TENM4: variants seen among roughly 807,000 people sequenced by gnomAD.
The protein encoded by TENM4 is teneurin transmembrane protein 4.
In TENM4, 82 loss-of-function variants were observed where a neutral mutation model predicts 243.3. The ratio of observed to expected loss-of-function variants is 0.34; its 90% confidence interval spans 0.28 to 0.40. The LOEUF is 0.40. TENM4 is among the 10% of genes least tolerant of loss of function. The pLI, the probability that TENM4 is intolerant of heterozygous loss-of-function variation, is 1.00. For synonymous variants in TENM4, 1,412 were observed against 1,456.3 expected, an observed-to-expected ratio of 0.97 and a Z score of 0.69; for missense variants, 3,138 against 3,673.3, an observed-to-expected ratio of 0.85 and a Z score of 3.77.
At chr11:78,897,533 T>C (rs1328621741) in intron 7 of TENM4, among the ~76,000 whole-genome samples, 2 of 152,160 alleles carry the variant, frequency 1.3e-5, no homozygotes, top group Non-Finnish European at 2.9e-5. Flanking sequence ...CAGTAAGGGC[T>C]CTCTCTACTG....
chr11:78,895,773 G>C (rs1855778762), intron 7 of TENM4, among the ~76,000 whole-genome samples: 1 of 152,166 alleles, frequency 6.6e-6, no homozygotes, highest in South Asian at 2.1e-4. Context: ...TGGAAACTAA[G>C]GCCCAGAAAG....
At chr11:79,295,447 C>T (rs56680264) in intron 2 of TENM4, among the ~76,000 whole-genome samples, 34,809 of 152,070 alleles carry the variant, frequency 0.23, 5,438 homozygotes, top group African/African-American at 0.45. Flanking sequence ...ACCCCCGCCC[C>T]GGGAAAGGAA....
intron 5 of TENM4, 83 bp downstream of exon 5, chr11:79,069,626 GTGCCACGCCCACC>G: frequency 7.0e-7 from 1 of 1,434,974 alleles, no homozygotes; most frequent in Non-Finnish European, 9.2e-7. Context: ...CAGCTCACCT[GTGCCACGCCCACC>G]TGCGCCACGC....
chr11:79,020,461 T>G (rs1264033916), intron 6 of TENM4, among the ~76,000 whole-genome samples: 1 of 152,222 alleles, frequency 6.6e-6, no homozygotes, highest in African/African-American at 2.4e-5. Context: ...ATCATTCAAA[T>G]TTATGTGTCA....
At chr11:79,416,362 A>G (rs1381062101) in intron 1 of TENM4, among the ~76,000 whole-genome samples, 2 of 152,192 alleles carry the variant, frequency 1.3e-5, no homozygotes, top group African/African-American at 2.4e-5. Context: ...CTGTTGCTCC[A>G]TATCCTCACC....
chr11:79,312,900 C>A (rs991195188), intron 1 of TENM4, among the ~76,000 whole-genome samples: 3 of 152,218 alleles, frequency 2.0e-5, no homozygotes, highest in Non-Finnish European at 4.4e-5. Flanking sequence ...CCAGGGCAAG[C>A]TACTCACTCC....
At chr11:79,351,775 A>G (rs1857418738) in intron 1 of TENM4, among the ~76,000 whole-genome samples, 1 of 152,232 alleles carries the variant, frequency 6.6e-6, no homozygotes, top group Non-Finnish European at 1.5e-5. Flanking sequence ...CAGACCAATC[A>G]TCTTCTCCAT....
intron 3 of TENM4, among the ~76,000 whole-genome samples, chr11:79,166,840 G>T (rs767900036): frequency 1.3e-5 from 2 of 152,148 alleles, no homozygotes; most frequent in African/African-American, 4.8e-5. Context: ...GCACTAGGAA[G>T]TTCCAAACAG....
At chr11:79,099,073 C>T (rs546633776) in intron 4 of TENM4, among the ~76,000 whole-genome samples, 1 of 152,302 alleles carries the variant, frequency 6.6e-6, no homozygotes, top group East Asian at 1.9e-4. Context: ...TACGGTAACT[C>T]ACCTGGGAAC....
chr11:78,668,472 C>T (rs1458345540), intron 32 of TENM4, among the ~76,000 whole-genome samples: 2 of 152,054 alleles, frequency 1.3e-5, no homozygotes, highest in East Asian at 3.9e-4. Context: ...AAATTGAGAA[C>T]TAATTTTTTT....
intron 7 of TENM4, among the ~76,000 whole-genome samples, chr11:78,900,754 C>G (rs1345240124): frequency 6.6e-6 from 1 of 152,094 alleles, no homozygotes; most frequent in South Asian, 2.1e-4. Flanking sequence ...GTATGAAGGT[C>G]CCTCTGACTT....
chr11:79,242,442 A>G (rs933125134), intron 2 of TENM4, among the ~76,000 whole-genome samples: 4 of 152,090 alleles, frequency 2.6e-5, no homozygotes, highest in African/African-American at 9.7e-5. Flanking sequence ...CAATCCTACC[A>G]CTCAGAGACA....
At chr11:79,102,700 G>A (rs2137081954) in intron 4 of TENM4, among the ~76,000 whole-genome samples, 1 of 152,294 alleles carries the variant, frequency 6.6e-6, no homozygotes, top group South Asian at 2.1e-4. Flanking sequence ...TCTTTCCAAA[G>A]CAACTCTGTC....
chr11:79,046,222 A>C (rs1295643899), intron 6 of TENM4, among the ~76,000 whole-genome samples: 4 of 152,214 alleles, frequency 2.6e-5, no homozygotes, highest in Non-Finnish European at 5.9e-5. Flanking sequence ...GCTGTGAGCC[A>C]GGGAGATGGG....
chr11:78,802,383 T>C (rs1360604952), intron 15 of TENM4, among the ~76,000 whole-genome samples: 2 of 152,258 alleles, frequency 1.3e-5, no homozygotes, highest in Non-Finnish European at 1.5e-5. Flanking sequence ...AAGTGAGCTT[T>C]CTTGCCAAGG....
intron 33 of TENM4, 87 bp downstream of exon 33, chr11:78,661,362 T>C (rs1858025556): frequency 1.6e-5 from 24 of 1,506,498 alleles, no homozygotes; most frequent in Non-Finnish European, 2.1e-5. Flanking sequence ...TGTCTATCAC[T>C]GGCCCATGCT....
intron 1 of TENM4, among the ~76,000 whole-genome samples, chr11:79,314,918 C>T (rs1354299966): frequency 1.3e-5 from 2 of 152,216 alleles, no homozygotes; most frequent in Non-Finnish European, 2.9e-5. Context: ...AGAAACTTCT[C>T]AGGTGATTCT....
At chr11:79,064,327 C>T (rs1221714836) in intron 6 of TENM4, among the ~76,000 whole-genome samples, 2 of 152,158 alleles carry the variant, frequency 1.3e-5, no homozygotes, top group Admixed American at 1.3e-4. Context: ...GACAGCGTTC[C>T]TAGAGGTTGC....
intron 3 of TENM4, among the ~76,000 whole-genome samples, chr11:79,171,673 T>C (rs1016006617): frequency 6.6e-6 from 1 of 152,210 alleles, no homozygotes; most frequent in Non-Finnish European, 1.5e-5. Flanking sequence ...GGGGGATTGG[T>C]TGAATAAATG....
Sources: gnomAD v4.1 joint callset for allele counts (sites outside exome capture counted in the v4.1 genomes callset) on GRCh38, gnomAD v4.1.1 for gene constraint, MANE v1.5 for transcripts, NCBI Gene and HGNC (gene_info 2026-07-23, HGNC 2026-07-21) for gene names.